Variants in SEM1 observed in about 807,000 individuals in gnomAD.
SEM1 encodes the protein SEM1 26S proteasome subunit, also known as 26S proteasome complex subunit SEM1.
In SEM1, 3 loss-of-function variants were observed where a neutral mutation model predicts 12.7. That is an observed-to-expected ratio of 0.24 (90% CI 0.11 to 0.61). SEM1 has a LOEUF of 0.61. SEM1 is among the 20% of genes least tolerant of loss of function. The pLI is 0.88. For missense variants in SEM1, 59 were observed against 81.3 expected (o/e 0.73, Z 1.06); for synonymous variants, 30 against 27.8 (o/e 1.08, Z -0.25).
chr7:96,505,015 G>A (rs1430693082), intron 3 of SEM1, among the ~76,000 whole-genome samples: 1 of 151,928 alleles, frequency 6.6e-6, no homozygotes, highest in Non-Finnish European at 1.5e-5. Context: ...GCTGGATCTA[G>A]CTTTCTTGGA....
chr7:96,637,217 T>TA, intron 2 of SEM1: 1 of 152,056 alleles, frequency 6.6e-6, no homozygotes, highest in Admixed American at 6.6e-5. Context: ...AAAAGATTTT[T>TA]AAATGTCAGT....
chr7:96,576,519 A>G (rs1485546707), intron 2 of SEM1, among the ~76,000 whole-genome samples: 1 of 152,096 alleles, frequency 6.6e-6, no homozygotes, highest in Non-Finnish European at 1.5e-5. Flanking sequence ...TAATAATTTG[A>G]AAGGTGTATC....
At chr7:96,696,576 A>G (rs557817051) in intron 1 of SEM1, 14 of 152,082 alleles carry the variant, frequency 9.2e-5, no homozygotes, top group African/African-American at 2.9e-4. Flanking sequence ...GTTAAAATTA[A>G]TATGAGCACT....
At chr7:96,485,626 T>C (rs1345166658) in intron 2 of SEM1, among the ~76,000 whole-genome samples, 1 of 135,506 alleles carries the variant, frequency 7.4e-6, no homozygotes, top group Non-Finnish European at 1.5e-5. Context: ...CACTGCAACC[T>C]TGGCCTCCTG....
chr7:96,517,514 G>T (rs1331812524), intron 2 of SEM1, among the ~76,000 whole-genome samples: 3 of 151,952 alleles, frequency 2.0e-5, no homozygotes, highest in Non-Finnish European at 2.9e-5. Context: ...TTATCTTTCG[G>T]GTTAGATATG....
intron 2 of SEM1, among the ~76,000 whole-genome samples, chr7:96,517,639 C>G (rs1804138163): frequency 6.6e-6 from 1 of 151,968 alleles, no homozygotes; most frequent in South Asian, 2.1e-4. Flanking sequence ...CTTTGCTGTT[C>G]CCTGATAGTT....
At chr7:96,677,410 T>C (rs2115653179) in intron 2 of SEM1, among the ~76,000 whole-genome samples, 1 of 152,320 alleles carries the variant, frequency 6.6e-6, no homozygotes, top group Non-Finnish European at 1.5e-5. Context: ...CAGATCTTGT[T>C]CTTCTCTAGC....
intron 2 of SEM1, among the ~76,000 whole-genome samples, chr7:96,651,605 T>A (rs1159962310): frequency 6.6e-6 from 1 of 152,190 alleles, no homozygotes; most frequent in Non-Finnish European, 1.5e-5. Context: ...AGAGTCTTGC[T>A]CTGTCACCCA....
chr7:96,493,966 C>G (rs1803131834), intron 1 of SEM1, among the ~76,000 whole-genome samples: 1 of 152,126 alleles, frequency 6.6e-6, no homozygotes, highest in Non-Finnish European at 1.5e-5. Flanking sequence ...GGATCTTTGT[C>G]CTGTACTTTT....
chr7:96,493,006 A>G (rs1355714604), intron 1 of SEM1, among the ~76,000 whole-genome samples: 1 of 151,854 alleles, frequency 6.6e-6, no homozygotes, highest in East Asian at 2.0e-4. Flanking sequence ...TCACTCTGCC[A>G]CCCAGGCTGG....
intron 2 of SEM1, among the ~76,000 whole-genome samples, chr7:96,522,981 T>A (rs1201497596): frequency 6.6e-6 from 1 of 151,868 alleles, no homozygotes; most frequent in African/African-American, 2.4e-5. Flanking sequence ...ATCATGAATC[T>A]ATCCTCTATG....
intron 2 of SEM1, chr7:96,656,629 C>T (rs1218656511): frequency 2.0e-5 from 3 of 149,694 alleles, no homozygotes; most frequent in African/African-American, 4.9e-5. Context: ...CATCTAAATT[C>T]AAAATCAGTG....
At chr7:96,680,885 T>C (rs1789590836) in intron 2 of SEM1, among the ~76,000 whole-genome samples, 1 of 152,114 alleles carries the variant, frequency 6.6e-6, no homozygotes, top group South Asian at 2.1e-4. Flanking sequence ...AGGAGTTGGC[T>C]ATTGCAATGC....
intron 2 of SEM1, among the ~76,000 whole-genome samples, chr7:96,623,542 A>G (rs1402519369): frequency 2.0e-5 from 3 of 148,010 alleles, no homozygotes; most frequent in African/African-American, 7.3e-5. Flanking sequence ...ACTTGTTTAT[A>G]TAAATGTATT....
intron 2 of SEM1, among the ~76,000 whole-genome samples, chr7:96,664,573 C>G (rs990988872): frequency 1.3e-5 from 2 of 152,296 alleles, no homozygotes; most frequent in East Asian, 3.9e-4. Context: ...AGGATAACCT[C>G]CTTCTCTTAA....
In SEM1 at chr7:96,696,218, G is replaced by C. The variant is rs1790090458; in HGVS notation, c.77-1327C>G. On this transcript the variant is annotated intron_variant, in intron 1 of 2. Transcript: ENST00000248566. ...GGCTGGGAAAGGAAAGGAAAAAGTA[G>C]AGATAAAGTCCCAGGAAAAAGGAAC... The C allele has an allele frequency of 2.0e-5, 3 of 151,852 alleles. No homozygotes were observed. The South Asian group carries it at 6.2e-4, about 31-fold the overall frequency. 9.4% of individuals were successfully genotyped at this position (151,852 alleles called of 1,614,324 possible).
downstream of SEM1, among the ~76,000 whole-genome samples, chr7:96,685,532 A>G (rs748718290): frequency 6.6e-6 from 1 of 152,102 alleles, no homozygotes; most frequent in Non-Finnish European, 1.5e-5. Context: ...GTTGTGCAGA[A>G]TAGTCCCTTC....
intron 2 of SEM1, among the ~76,000 whole-genome samples, chr7:96,689,388 G>GT (rs1359680129): frequency 2.6e-5 from 4 of 152,060 alleles, no homozygotes; most frequent in Non-Finnish European, 2.9e-5. Flanking sequence ...ATCATAACAG[G>GT]TATTACTATA....
chr7:96,571,566 G>GTA lies in SEM1; in HGVS notation c.171-64870_171-64869dup, dbSNP rs530457400. 1.2e-3 allele frequency among the ~76,000 whole-genome samples: 177 copies of GTA among 150,398 alleles called. 4 individuals carry two copies. The South Asian group carries it at 0.024, about 20-fold the overall frequency. On this transcript the variant is annotated intron_variant and NMD_transcript_variant, in intron 2 of 3. Coordinates refer to the SEM1 transcript ENST00000466986. ...CTGTTCTGTGTGTGTGTATATATATGTATATATATACATATATACGCACAT... is the reference window on the plus strand; with the variant it reads ...CTGTTCTGTGTGTGTGTATATATATGTATATATATATACATATATACGCACAT...
Sources: gnomAD v4.1 joint callset for allele counts (sites outside exome capture counted in the v4.1 genomes callset) on GRCh38, gnomAD v4.1.1 for gene constraint, MANE v1.5 for transcripts, NCBI Gene and HGNC (gene_info 2026-07-23, HGNC 2026-07-21) for gene names.